The following LAPTM4B variants were observed in gnomAD, a reference collection of about 807,000 sequenced individuals.
The protein encoded by LAPTM4B is lysosomal-associated transmembrane protein 4B.
Under a neutral mutation model 28.5 loss-of-function variants are expected in LAPTM4B, and 26 were observed. The ratio of observed to expected loss-of-function variants is 0.91; its 90% confidence interval spans 0.67 to 1.27. LAPTM4B has a LOEUF of 1.27. Among genes scored for constraint, LAPTM4B ranks in the 50% most tolerant of loss-of-function variants. The probability of loss-of-function intolerance (pLI) is 0.00; values close to 1 mark genes in which losing one functional copy is unlikely to be tolerated. For synonymous variants in LAPTM4B, 109 were observed against 106.4 expected (o/e 1.02, Z -0.15); for missense variants, 288 against 285.8 (o/e 1.01, Z -0.06).
chr8:97,786,628 G>GGCGGAGGTTGTGGTGAGCTGAGATC (rs1816406914), intron 1 of LAPTM4B, among the ~76,000 whole-genome samples: 2 of 151,888 alleles, frequency 1.3e-5, no homozygotes, highest in African/African-American at 4.8e-5. Flanking sequence ...GAACCTGGGA[G>GGCGGAGGTTGTGGTGAGCTGAGATC]GCGGAGGTTG....
chr8:97,815,473 A>G, intron 3 of LAPTM4B, 72 bp downstream of exon 3: 4 of 1,047,192 alleles, frequency 3.8e-6, no homozygotes, highest in Admixed American at 3.7e-5. Context: ...TGCTGTCTAT[A>G]GTGAGAAGTG....
intron 1 of LAPTM4B, among the ~76,000 whole-genome samples, chr8:97,798,025 A>G (rs1299919002): frequency 3.5e-4 from 53 of 151,706 alleles, no homozygotes; most frequent in Admixed American, 3.4e-3. Flanking sequence ...GAATTAGAGC[A>G]TAAGTGTGTC....
chr8:97,836,267 A>G (rs1254713378), intron 6 of LAPTM4B, among the ~76,000 whole-genome samples: 1 of 151,958 alleles, frequency 6.6e-6, no homozygotes, highest in Non-Finnish European at 1.5e-5. Flanking sequence ...TGCAACCTCC[A>G]CCCCCTGGGT....
intron 1 of LAPTM4B, among the ~76,000 whole-genome samples, chr8:97,800,261 A>G (rs1388901667): frequency 6.6e-6 from 1 of 152,180 alleles, no homozygotes; most frequent in Non-Finnish European, 1.5e-5. Flanking sequence ...GTGCGGGGAA[A>G]GCACAGGCGT....
chr8:97,844,508 C>T (rs137899080), intron 6 of LAPTM4B, among the ~76,000 whole-genome samples: 1 of 152,174 alleles, frequency 6.6e-6, no homozygotes, highest in Admixed American at 6.5e-5. Context: ...AAACAGCTTG[C>T]ATCCTAGGTC....
At chr8:97,790,156 T>C (rs552103476) in intron 1 of LAPTM4B, among the ~76,000 whole-genome samples, 36 of 149,934 alleles carry the variant, frequency 2.4e-4, no homozygotes, top group Non-Finnish European at 4.4e-4. Flanking sequence ...CTATTGTGAA[T>C]AGTGCTGCAG....
At chr8:97,843,051 A>G (rs1050950347) in intron 6 of LAPTM4B, among the ~76,000 whole-genome samples, 2 of 149,978 alleles carry the variant, frequency 1.3e-5, no homozygotes, top group Non-Finnish European at 3.0e-5. Flanking sequence ...GCTAAATTTT[A>G]TATTTTGTAT....
intron 1 of LAPTM4B, among the ~76,000 whole-genome samples, chr8:97,798,736 G>T (rs1278401795): frequency 6.6e-6 from 1 of 152,168 alleles, no homozygotes. Flanking sequence ...GATGGAGCAG[G>T]AGAGGGCAGA....
At position 97,825,073 on chromosome 8, in the gene LAPTM4B, T is replaced by C. The variant is rs1280953321; in HGVS notation, c.523T>C (p.Cys175Arg). 19 of 1,606,418 alleles carry C rather than the reference T, an allele frequency of 1.2e-5. No homozygotes were observed. Among genetic ancestry groups the C allele is most frequent in the Admixed American group, 1.7e-5 (1 of 59,926 alleles). Residue 175 changes from cysteine to arginine, a missense_variant, in exon 6 of 7, where the codon TGT (cysteine) becomes CGT (arginine). Transcript: ENST00000521545. ...TCATTTTCAGGGTTACTTGATTAGC[T>C]GTGTTTGGAACTGCTACCGATACAT... The part of the protein sequence containing the change: ...ILTFKGYLIS[C>R]VWNCYRYING...
At chr8:97,782,350 GCAGCCTTGTCTTCCCTGGCTC>G in intron 1 of LAPTM4B, among the ~76,000 whole-genome samples, 1 of 79,866 alleles carries the variant, frequency 1.3e-5, no homozygotes, top group East Asian at 5.7e-4. Flanking sequence ...GTGGCTCAAT[GCAGCCTTGTCTTCCCTGGCTC>G]AAGCAGCCTT....
chr8:97,850,767 A>T (rs1305337569), intron 6 of LAPTM4B, among the ~76,000 whole-genome samples: 1 of 145,520 alleles, frequency 6.9e-6, no homozygotes, highest in African/African-American at 2.6e-5. Context: ...TTATACTCAC[A>T]ATGACTATTA....
At chr8:97,822,654 G>T (rs181752940) in intron 5 of LAPTM4B, among the ~76,000 whole-genome samples, 1 of 151,404 alleles carries the variant, frequency 6.6e-6, no homozygotes, top group Non-Finnish European at 1.5e-5. Flanking sequence ...ACTCATTGAT[G>T]TATTTATACA....
chr8:97,803,926 A>T (rs1816724605), intron 1 of LAPTM4B, among the ~76,000 whole-genome samples: 1 of 152,238 alleles, frequency 6.6e-6, no homozygotes, highest in South Asian at 2.1e-4. Flanking sequence ...TACAGACATG[A>T]GCCACTGTGT....
At chr8:97,840,381 C>G (rs1002898423) in intron 6 of LAPTM4B, among the ~76,000 whole-genome samples, 6 of 152,078 alleles carry the variant, frequency 3.9e-5, no homozygotes, top group African/African-American at 1.4e-4. Flanking sequence ...AATAATGGCT[C>G]CCTCCTATTA....
intron 5 of LAPTM4B, among the ~76,000 whole-genome samples, chr8:97,822,708 A>C (rs1374436471): frequency 6.6e-6 from 1 of 152,130 alleles, no homozygotes; most frequent in Non-Finnish European, 1.5e-5. Context: ...TTTTAAAAAA[A>C]TTTTGTGGGT....
rs1429613410 is a variant in LAPTM4B, at chr8:97,816,130, A to T, written c.358A>T (p.Ile120Phe). Residue 120 changes from isoleucine to phenylalanine, a missense_variant, in exon 4 of 7, where the codon ATC becomes TTC. Physicochemically the swap from Ile to Phe is conservative, Grantham distance 21. Coordinates refer to ENST00000521545, the MANE Select transcript of LAPTM4B (RefSeq NM_018407.6). ...CTTTGCCCTGAACATGTTGGTTGCAATCACTGTGCTTATTTATCCAAACTC... is the reference window on the plus strand; with the variant it reads ...CTTTGCCCTGAACATGTTGGTTGCATTCACTGTGCTTATTTATCCAAACTC... ...FDFALNMLVA[I>F]TVLIYPNSIQ... 6.2e-7 allele frequency: 1 copy of T among 1,613,950 alleles called. No individual in the cohort carries two copies. Among genetic ancestry groups the T allele is most frequent in the Non-Finnish European group, 8.5e-7 (1 of 1,179,918 alleles).
intron 2 of LAPTM4B, among the ~76,000 whole-genome samples, chr8:97,810,951 TG>T (rs1190891566): frequency 6.6e-6 from 1 of 152,200 alleles, no homozygotes; most frequent in Non-Finnish European, 1.5e-5. Context: ...TAAATGGTTC[TG>T]GGTGAAATTG....
chr8:97,781,817 A>G (rs1439783923), intron 1 of LAPTM4B, among the ~76,000 whole-genome samples: 1 of 152,082 alleles, frequency 6.6e-6, no homozygotes, highest in Non-Finnish European at 1.5e-5. Context: ...AGATTCATTC[A>G]TCTTCTTGGA....
At chr8:97,829,897 A>G (rs1327462055) in intron 6 of LAPTM4B, among the ~76,000 whole-genome samples, 1 of 152,094 alleles carries the variant, frequency 6.6e-6, no homozygotes, top group Non-Finnish European at 1.5e-5. Flanking sequence ...GGGTTTCACC[A>G]TGTTGGCCAG....
Sources: allele counts gnomAD v4.1 joint callset (sites outside exome capture counted in the v4.1 genomes callset), GRCh38; gene constraint gnomAD v4.1.1; transcripts MANE v1.5; gene names NCBI Gene and HGNC (gene_info 2026-07-23, HGNC 2026-07-21).